Variants in CHSY3 observed in about 807,000 individuals in gnomAD.
CHSY3 encodes the protein chondroitin sulfate synthase 3.
In CHSY3, 35 loss-of-function variants were observed where a neutral mutation model predicts 67.2. The ratio of observed to expected loss-of-function variants is 0.52; its 90% CI spans 0.40 to 0.69. The LOEUF is 0.69. Ranked by LOEUF, CHSY3 falls within the 30% of genes least tolerant of loss-of-function variation. The probability of loss-of-function intolerance (pLI) is 0.00; values close to 1 mark genes in which losing one functional copy is unlikely to be tolerated. For missense variants in CHSY3, 1,069 were observed against 1,138.5 expected, an observed-to-expected ratio of 0.94 and a Z score of 0.88; for synonymous variants, 474 against 434.7, an observed-to-expected ratio of 1.09 and a Z score of -1.12.
chr5:130,160,061 C>T (rs562844681), intron 2 of CHSY3, among the ~76,000 whole-genome samples: 104 of 152,164 alleles, frequency 6.8e-4, no homozygotes, highest in African/African-American at 2.5e-3. Context: ...ACTGTTAGCA[C>T]GATTTAAAGA....
At chr5:130,049,300 T>A (rs1765254113) in intron 2 of CHSY3, among the ~76,000 whole-genome samples, 1 of 152,146 alleles carries the variant, frequency 6.6e-6, no homozygotes, top group African/African-American at 2.4e-5. Context: ...AAGATATTTT[T>A]AAAAATTCTT....
intron 2 of CHSY3, among the ~76,000 whole-genome samples, chr5:130,133,771 T>TAAAAAAAAAAAA (rs758023976): frequency 1.7e-5 from 1 of 58,120 alleles, no homozygotes. Context: ...GACTCCGTCT[T>TAAAAAAAAAAAA]AAAAAAAAAA....
chr5:130,076,767 T>C (rs1160010224), intron 2 of CHSY3, among the ~76,000 whole-genome samples: 2 of 152,040 alleles, frequency 1.3e-5, no homozygotes, highest in East Asian at 3.9e-4. Context: ...TAGTCAAAGG[T>C]CTTTCATTGG....
intron 2 of CHSY3, among the ~76,000 whole-genome samples, chr5:130,075,629 A>G (rs529214689): frequency 6.6e-6 from 1 of 152,176 alleles, no homozygotes; most frequent in Non-Finnish European, 1.5e-5. Context: ...ATCTAGTTAG[A>G]TAAAGGTAAA....
intron 2 of CHSY3, among the ~76,000 whole-genome samples, chr5:130,047,794 A>G (rs779157997): frequency 1.3e-5 from 2 of 152,068 alleles, no homozygotes; most frequent in Non-Finnish European, 2.9e-5. Context: ...CAAATCAAAT[A>G]CTATCATTGC....
At chr5:130,003,187 A>G (rs953578998) in intron 2 of CHSY3, among the ~76,000 whole-genome samples, 1 of 152,202 alleles carries the variant, frequency 6.6e-6, no homozygotes, top group Non-Finnish European at 1.5e-5. Flanking sequence ...ATAGCCGAGT[A>G]TCCATGATAC....
chr5:130,109,626 T>C (rs1246945904), intron 2 of CHSY3, among the ~76,000 whole-genome samples: 2 of 151,786 alleles, frequency 1.3e-5, no homozygotes, highest in Non-Finnish European at 3.0e-5. Context: ...AAGGAGCATT[T>C]CATGAGAGAG....
chr5:130,180,540 GT>G (rs530892029), intron 2 of CHSY3, among the ~76,000 whole-genome samples: 3 of 151,352 alleles, frequency 2.0e-5, no homozygotes, highest in Non-Finnish European at 4.4e-5. Flanking sequence ...TTTGTTTTTT[GT>G]TTTTTTAATA....
intron 2 of CHSY3, among the ~76,000 whole-genome samples, chr5:130,065,092 T>C (rs1411640675): frequency 6.6e-6 from 1 of 152,202 alleles, no homozygotes; most frequent in African/African-American, 2.4e-5. Flanking sequence ...TTTATTTTGC[T>C]ACTACGGAGC....
chr5:130,109,489 C>T (rs912367836), intron 2 of CHSY3, among the ~76,000 whole-genome samples: 2 of 151,620 alleles, frequency 1.3e-5, no homozygotes, highest in Non-Finnish European at 1.5e-5. Flanking sequence ...ACATTAGAAG[C>T]TAATTTCAGC....
At chr5:130,099,068 T>C (rs1234220015) in intron 2 of CHSY3, among the ~76,000 whole-genome samples, 2 of 152,198 alleles carry the variant, frequency 1.3e-5, no homozygotes, top group Admixed American at 6.5e-5. Context: ...ATGTCTGTAA[T>C]TGATATAACA....
chr5:129,904,667 G>T lies in CHSY3; in HGVS notation c.-163G>T. 2 of 1,117,260 alleles carry T rather than the reference G, an allele frequency of 1.8e-6. No homozygotes were observed. The highest frequency in any genetic ancestry group is 2.2e-6 in the Non-Finnish European group (2 of 891,138). 69.2% of individuals were successfully genotyped at this position (1,117,260 alleles called of 1,614,324 possible). On this transcript the variant is annotated 5_prime_UTR_variant, in exon 1 of 3. Transcript: ENST00000305031. ...CAGGCAGCTGCAGCCCGCGGCAGTC[G>T]AGGCGTCCGCGGCGCTTCGACCTCC...
intron 2 of CHSY3, among the ~76,000 whole-genome samples, chr5:130,167,549 T>G (rs1235390562): frequency 6.6e-6 from 1 of 152,136 alleles, no homozygotes; most frequent in Non-Finnish European, 1.5e-5. Context: ...CTAAGTTATT[T>G]CAAGCTGAGG....
rs977859446 is a variant in CHSY3, at chr5:129,971,001, T to A, written c.1086+62641T>A. On this transcript the variant is annotated intron_variant, in intron 2 of 2. Transcript: ENST00000305031. Reference sequence around the variant, plus strand: ...TATGATATTAAGGCTTATTATAGTATGTGCCTATAAATGTATGCTCAGCAC... The same window carrying A: ...TATGATATTAAGGCTTATTATAGTAAGTGCCTATAAATGTATGCTCAGCAC... 2.6e-5 allele frequency among the ~76,000 whole-genome samples: 4 copies of A among 152,016 alleles called. No homozygotes were observed. In the East Asian group the frequency reaches 7.8e-4, roughly 30 times the overall value.
chr5:130,040,689 G>T (rs2149665113), intron 2 of CHSY3, among the ~76,000 whole-genome samples: 1 of 152,214 alleles, frequency 6.6e-6, no homozygotes, highest in Middle Eastern at 3.4e-3. Context: ...CTCAAAATGA[G>T]CAAATTGTTA....
chr5:130,039,950 G>A (rs1193172264), intron 2 of CHSY3, among the ~76,000 whole-genome samples: 1 of 152,080 alleles, frequency 6.6e-6, no homozygotes, highest in Non-Finnish European at 1.5e-5. Flanking sequence ...CTGGACGTGT[G>A]TCTAAGTTGC....
chr5:129,942,717 A>C (rs75007604), intron 2 of CHSY3, among the ~76,000 whole-genome samples: 2,168 of 152,298 alleles, frequency 0.014, 32 homozygotes, highest in Non-Finnish European at 0.022. Context: ...TTATCTTTGC[A>C]TTCTACCTAA....
chr5:130,148,786 T>C (rs1476670750), intron 2 of CHSY3, among the ~76,000 whole-genome samples: 3 of 152,240 alleles, frequency 2.0e-5, no homozygotes, highest in Non-Finnish European at 2.9e-5. Flanking sequence ...TCCTTATAGA[T>C]GCTGGATATT....
intron 2 of CHSY3, among the ~76,000 whole-genome samples, chr5:130,147,667 T>G (rs1769110594): frequency 6.6e-6 from 1 of 152,194 alleles, no homozygotes; most frequent in Non-Finnish European, 1.5e-5. Context: ...GCTCGGCATC[T>G]GCTCAGCTTC....
Sources: allele counts gnomAD v4.1 joint callset (sites outside exome capture counted in the v4.1 genomes callset), GRCh38; gene constraint gnomAD v4.1.1; transcripts MANE v1.5; gene names NCBI Gene and HGNC (gene_info 2026-07-23, HGNC 2026-07-21).